Variants in HOXC4 observed in about 807,000 individuals in gnomAD.
HOXC4 encodes the protein homeobox C4, also known as homeobox protein Hox-C4.
HOXC4 carries 15 observed loss-of-function variants against 25.5 expected under a neutral mutation model. The observed-to-expected ratio is 0.59, with a 90% CI of 0.39 to 0.91. HOXC4 has a LOEUF of 0.91. HOXC4 is among the 40% of genes least tolerant of loss of function. The pLI, the probability that HOXC4 is intolerant of heterozygous loss-of-function variation, is 0.00. For missense variants in HOXC4, 342 were observed against 352.4 expected, an observed-to-expected ratio of 0.97 and a Z score of 0.24; for synonymous variants, 165 against 148.0, an observed-to-expected ratio of 1.11 and a Z score of -0.83.
At chr12:54,046,940 T>TG (rs1276280504) in intron 1 of HOXC4, among the ~76,000 whole-genome samples, 2 of 152,188 alleles carry the variant, frequency 1.3e-5, no homozygotes, top group African/African-American at 4.8e-5. Flanking sequence ...AGGAGGCCTC[T>TG]GGGCTGTGGA....
intron 1 of HOXC4, among the ~76,000 whole-genome samples, chr12:54,043,707 A>G (rs891008252): frequency 3.3e-5 from 5 of 150,906 alleles, no homozygotes; most frequent in Non-Finnish European, 7.4e-5. Context: ...TGTGATCTTC[A>G]GTGTTGTGTT....
chr12:54,021,626 ACC>A (rs1210025439), intron 1 of HOXC4: 1 of 152,244 alleles, frequency 6.6e-6, no homozygotes, highest in Non-Finnish European at 1.5e-5. Flanking sequence ...GACAGGCTGC[ACC>A]AAGAGGTGTG....
chr12:54,028,735 T>C, intron 1 of HOXC4: 1 of 1,614,138 alleles, frequency 6.2e-7, no homozygotes, highest in Non-Finnish European at 8.5e-7. Flanking sequence ...GCCGTATGAC[T>C]ATGGATCTAA....
chr12:54,042,135 C>T (rs777079152), intron 1 of HOXC4, among the ~76,000 whole-genome samples: 32 of 152,016 alleles, frequency 2.1e-4, no homozygotes, highest in Non-Finnish European at 4.3e-4. Flanking sequence ...TGCACCACCA[C>T]GCCTGGCTAA....
intron 1 of HOXC4, among the ~76,000 whole-genome samples, chr12:54,025,945 C>T (rs192153782): frequency 2.0e-5 from 3 of 152,148 alleles, no homozygotes; most frequent in Non-Finnish European, 4.4e-5. Context: ...TTCCCTCCCC[C>T]ACCCAGACAT....
intron 1 of HOXC4, among the ~76,000 whole-genome samples, chr12:54,041,977 C>CTTTTTTTTT (rs796328359): frequency 8.6e-6 from 1 of 116,710 alleles, no homozygotes. Flanking sequence ...CTTTTCTTTT[C>CTTTTTTTTT]TTTTTTTTTT....
intron 1 of HOXC4, chr12:54,029,700 C>G: frequency 6.2e-7 from 1 of 1,614,140 alleles, no homozygotes; most frequent in Non-Finnish European, 8.5e-7. Flanking sequence ...CAGATCTACT[C>G]GCGGTACCAG....
At chr12:54,027,656 C>G (rs1940783478) in intron 1 of HOXC4, among the ~76,000 whole-genome samples, 1 of 152,084 alleles carries the variant, frequency 6.6e-6, no homozygotes, top group Non-Finnish European at 1.5e-5. Flanking sequence ...TATACATTTT[C>G]CCTTTTAGGC....
intron 1 of HOXC4, among the ~76,000 whole-genome samples, chr12:54,018,010 G>T (rs900094291): frequency 2.2e-4 from 33 of 152,214 alleles, no homozygotes; most frequent in Admixed American, 1.1e-3. Flanking sequence ...GGCGGCCGGC[G>T]GGGCCTGTTA....
In HOXC4 at chr12:54,055,073, AGTCAG is replaced by A; in HGVS notation, c.669_673del (p.Arg223SerfsTer20). 6.2e-7 allele frequency: 1 copy of A among 1,613,530 alleles called. No homozygotes were observed. The highest frequency in any genetic ancestry group is 8.5e-7 in the Non-Finnish European group (1 of 1,179,876). Reference sequence around the variant, plus strand: ...AGGACCACCGACTCCCCAACACCAAAGTCAGGTCAGCACCCCCGGCCGGCGCTGCG... The same window carrying A: ...AGGACCACCGACTCCCCAACACCAAAGTCAGCACCCCCGGCCGGCGCTGCG... On this transcript the variant is annotated frameshift_variant, in exon 2 of 2. Coordinates refer to ENST00000430889, the MANE Select transcript of HOXC4 (RefSeq NM_153633.3). LOFTEE classifies it high-confidence loss of function.
chr12:54,036,240 A>G (rs1172102107), intron 1 of HOXC4, among the ~76,000 whole-genome samples: 1 of 152,144 alleles, frequency 6.6e-6, no homozygotes, highest in Non-Finnish European at 1.5e-5. Flanking sequence ...GGAAGGGTCC[A>G]TAAAACTTTA....
At chr12:54,039,775 G>T (rs1338219363) in intron 1 of HOXC4, among the ~76,000 whole-genome samples, 1 of 152,042 alleles carries the variant, frequency 6.6e-6, no homozygotes, top group East Asian at 1.9e-4. Context: ...AGCGAGTGCA[G>T]TGGTCTTTAA....
At chr12:54,023,692 A>G (rs1361840955) in intron 1 of HOXC4, among the ~76,000 whole-genome samples, 1 of 152,106 alleles carries the variant, frequency 6.6e-6, no homozygotes, top group African/African-American at 2.4e-5. Context: ...AGCACCCCCA[A>G]ATGATATCCA....
rs1238579797 is a variant in HOXC4 at position 54,054,218 on chromosome 12, A to G, written c.296A>G (p.Glu99Gly). ...CCCGAGAAATCACAGTCGCTCTGCG[A>G]GCCGGCGCCTCTCTCAGGCGCCTCC... ...HHPEKSQSLC[E>G]PAPLSGASAS... is the part of the protein sequence containing the mutation. Residue 99 changes from glutamate to glycine, a missense_variant, in exon 1 of 2, where the codon GAG (glutamate) becomes GGG (glycine). Glu to Gly is a moderately conservative substitution (Grantham distance 98). Transcript: ENST00000430889. 3 of 1,612,072 alleles carry G rather than the reference A, an allele frequency of 1.9e-6. No homozygotes were observed. The highest frequency in any genetic ancestry group is 2.5e-6 in the Non-Finnish European group (3 of 1,179,142).
intron 1 of HOXC4, among the ~76,000 whole-genome samples, chr12:54,045,757 C>T (rs529576252): frequency 1.3e-5 from 2 of 152,238 alleles, no homozygotes; most frequent in East Asian, 3.9e-4. Flanking sequence ...GGGTAGGGAA[C>T]AAATATATTT....
At chr12:54,033,178 A>G in intron 1 of HOXC4, 7 of 1,614,178 alleles carry the variant, frequency 4.3e-6, no homozygotes, top group East Asian at 2.2e-5. Flanking sequence ...ATCCCTGCCT[A>G]TAACATGCAA....
intron 1 of HOXC4, chr12:54,030,445 A>G (rs1289685934): frequency 6.6e-6 from 1 of 152,632 alleles, no homozygotes; most frequent in Non-Finnish European, 1.5e-5. Context: ...ACCAACCCCC[A>G]GGGCCTCCCC....
At chr12:54,034,528 C>A (rs1482088208) in intron 1 of HOXC4, 2 of 1,550,844 alleles carry the variant, frequency 1.3e-6, no homozygotes, top group East Asian at 2.2e-5. Flanking sequence ...GCGCCCCTAG[C>A]CGGTTCCTGT....
At chr12:54,047,088 A>G (rs1937729201) in intron 1 of HOXC4, among the ~76,000 whole-genome samples, 1 of 151,996 alleles carries the variant, frequency 6.6e-6, no homozygotes, top group African/African-American at 2.4e-5. Flanking sequence ...CCGCCAGCGC[A>G]GGGCCCAGGT....
Sources: allele counts gnomAD v4.1 joint callset (sites outside exome capture counted in the v4.1 genomes callset), GRCh38; gene constraint gnomAD v4.1.1; transcripts MANE v1.5; gene names NCBI Gene and HGNC (gene_info 2026-07-23, HGNC 2026-07-21).